KMT2C: variants seen among roughly 807,000 people sequenced by gnomAD.
KMT2C encodes the protein histone-lysine N-methyltransferase 2C.
KMT2C carries 88 observed loss-of-function variants against 507.9 expected under a neutral mutation model. The ratio of observed to expected loss-of-function variants is 0.17; its 90% CI spans 0.15 to 0.21. The LOEUF (loss-of-function observed/expected upper bound fraction) is 0.21. Ranked by LOEUF, KMT2C falls within the 10% of genes least tolerant of loss-of-function variation. The pLI is 1.00. For missense variants in KMT2C, 4,954 were observed against 5,957.8 expected, an observed-to-expected ratio of 0.83 and a Z score of 5.55; for synonymous variants, 2,049 against 2,080.8, an observed-to-expected ratio of 0.98 and a Z score of 0.42.
chr7:152,172,674 A>G (rs1216566145), intron 39 of KMT2C, among the ~76,000 whole-genome samples: 1 of 152,218 alleles, frequency 6.6e-6, no homozygotes, highest in Admixed American at 6.5e-5. Flanking sequence ...AACAACAGCG[A>G]AACTCCGTCT....
chr7:152,391,770 C>T (rs2097501054), intron 1 of KMT2C, among the ~76,000 whole-genome samples: 1 of 152,128 alleles, frequency 6.6e-6, no homozygotes, highest in Admixed American at 6.5e-5. Flanking sequence ...CTCAGCCTCC[C>T]AAAGTGCTGG....
chr7:152,367,767 G>A, intron 1 of KMT2C: 2 of 1,021,918 alleles, frequency 2.0e-6, no homozygotes, highest in Non-Finnish European at 3.1e-6. Context: ...TAAATCTGAG[G>A]ACTACCTAAA....
At chr7:152,368,203 C>T (rs1366632533) in intron 1 of KMT2C, 2 of 893,544 alleles carry the variant, frequency 2.2e-6, no homozygotes, top group Admixed American at 1.7e-5. Flanking sequence ...TTTTACAATT[C>T]TAAGAAATAT....
At chr7:152,157,731 G>T in intron 44 of KMT2C, 1 of 1,165,552 alleles carries the variant, frequency 8.6e-7, no homozygotes, top group Admixed American at 4.1e-5. Flanking sequence ...CAAAGATGAA[G>T]CAAGACAACA....
At chr7:152,178,610 C>T (rs1007663132) in intron 37 of KMT2C, among the ~76,000 whole-genome samples, 15 of 151,888 alleles carry the variant, frequency 9.9e-5, no homozygotes, top group Admixed American at 6.6e-4. Context: ...AGGCAACTTA[C>T]ACAGAATACA....
At chr7:152,231,933 G>A (rs1281190397) in intron 16 of KMT2C, among the ~76,000 whole-genome samples, 1 of 151,962 alleles carries the variant, frequency 6.6e-6, no homozygotes, top group Non-Finnish European at 1.5e-5. Flanking sequence ...AGGCTGGAGT[G>A]CAGTGGTGCA....
In KMT2C at chr7:152,317,170, T is replaced by C. The variant is rs563675527; in HGVS notation, c.390-1832A>G. 2.6e-5 allele frequency among the ~76,000 whole-genome samples: 4 copies of C among 152,304 alleles called. No individual in the cohort carries two copies. In the South Asian group the frequency reaches 6.2e-4, roughly 24 times the overall value. ...CTTAAATGTGAAGGTATAATAAAAT[T>C]ACTCTCTGGCTTAGAAGACCTCAGA... is the stretch of plus-strand genomic sequence containing the variant. On this transcript the variant is annotated intron_variant, in intron 3 of 58. Transcript: ENST00000262189.
chr7:152,302,397 T>A (rs2096577579), intron 6 of KMT2C, among the ~76,000 whole-genome samples: 1 of 151,778 alleles, frequency 6.6e-6, no homozygotes. Context: ...CTAATTTTTG[T>A]ATTTTTAGTA....
chr7:152,345,818 G>T (rs1218299860), intron 2 of KMT2C, among the ~76,000 whole-genome samples: 1 of 152,140 alleles, frequency 6.6e-6, no homozygotes, highest in Admixed American at 6.5e-5. Context: ...ACCGCACATG[G>T]CCTAGAATAG....
intron 14 of KMT2C, among the ~76,000 whole-genome samples, chr7:152,247,321 T>C (rs1481935514): frequency 2.0e-5 from 3 of 152,156 alleles, no homozygotes; most frequent in Non-Finnish European, 4.4e-5. Context: ...GATTTATCTT[T>C]ACTTACTGAA....
intron 27 of KMT2C, among the ~76,000 whole-genome samples, chr7:152,198,917 T>TTCGGTTTC (rs540555985): frequency 3.7e-3 from 564 of 152,212 alleles, no homozygotes; most frequent in South Asian, 7.3e-3. Context: ...CCACATCCAT[T>TTCGGTTTC]TCGGTTTCTC....
chr7:152,149,171 C>T lies in KMT2C; in HGVS notation c.12775-19G>A. 6.9e-7 allele frequency: 1 copy of T among 1,443,156 alleles called. No homozygotes were observed. The highest frequency in any genetic ancestry group is 2.4e-5 in the East Asian group (1 of 40,922). 89.4% of individuals were successfully genotyped at this position (1,443,156 alleles called of 1,614,324 possible). On this transcript the variant is annotated intron_variant, in intron 51 of 58. Coordinates refer to ENST00000262189, the MANE Select transcript of KMT2C (RefSeq NM_170606.3). ...TGGATTCCTGGGCAACATAAAGAAA[C>T]CATGACAAAGAAAAATAATTCACAA...
At position 152,163,551 on chromosome 7, in the gene KMT2C, G is replaced by A. The variant is rs906685403; in HGVS notation, c.10026C>T (p.Ala3342=). Residue 3342 remains alanine, a synonymous_variant, in exon 43 of 59, where the codon GCC becomes GCT. Coordinates refer to ENST00000262189, the MANE Select transcript of KMT2C (RefSeq NM_170606.3). ...TTCTAGGAGGATTGAGGGGCAGGTG[G>A]GCAGGAGCACTGTTGGGTTGCCATC... The part of the protein sequence containing the change: ...LPGWQPNSAP[A]HLPLNPPRIQ... 1 of 1,609,846 alleles carries A rather than the reference G, an allele frequency of 6.2e-7. No homozygotes were observed. Among genetic ancestry groups the A allele is most frequent in the Non-Finnish European group, 8.5e-7 (1 of 1,177,290 alleles).
intron 1 of KMT2C, chr7:152,367,045 G>T: frequency 1.6e-6 from 1 of 642,562 alleles, no homozygotes; most frequent in Non-Finnish European, 2.7e-6. Context: ...GAATCCACAG[G>T]TCTTTCTTGA....
In KMT2C at chr7:152,135,276, C is replaced by G. The variant is rs1212364482; in HGVS notation, c.*1556G>C. ...CAGTTTACAGTCCACTTGAATTGTG[C>G]ACACAAAACTTCATTTTATACTTAG... On this transcript the variant is annotated 3_prime_UTR_variant, in exon 59 of 59. Transcript: ENST00000262189. The G allele has an allele frequency of 9.1e-6, 2 of 219,960 alleles. No homozygotes were observed. Among genetic ancestry groups the G allele is most frequent in the African/African-American group, 2.2e-5 (1 of 44,658 alleles). The allele number at this position is 219,960 out of a possible 1,614,324, so 13.6% of individuals were successfully genotyped here. A position where few individuals can be genotyped will look rare whatever the true frequency, so the allele number is the denominator to read the frequency against.
At chr7:152,153,941 A>T in intron 48 of KMT2C, 69 bp downstream of exon 48, 1 of 1,465,928 alleles carries the variant, frequency 6.8e-7, no homozygotes, top group Non-Finnish European at 9.5e-7. Flanking sequence ...GTTTTATGGT[A>T]GACACCTGAC....
At chr7:152,249,486 G>C (rs2095527981) in intron 13 of KMT2C, among the ~76,000 whole-genome samples, 1 of 151,416 alleles carries the variant, frequency 6.6e-6, no homozygotes, top group Admixed American at 6.6e-5. Context: ...ACCATCCCCA[G>C]ATACTTTTTT....
At chr7:152,139,600 A>G (rs2090289507) in intron 56 of KMT2C, 75 bp downstream of exon 56, 3 of 983,114 alleles carry the variant, frequency 3.1e-6, no homozygotes, top group African/African-American at 1.6e-5. Context: ...TCTGCCTTCC[A>G]GGGTGTCTGG....
chr7:152,236,880 A>C (rs1223023014), intron 15 of KMT2C, among the ~76,000 whole-genome samples: 2 of 152,214 alleles, frequency 1.3e-5, no homozygotes, highest in African/African-American at 4.8e-5. Flanking sequence ...TGAGGATTAT[A>C]GGAAAGCTGA....
Sources: allele counts gnomAD v4.1 joint callset (sites outside exome capture counted in the v4.1 genomes callset), GRCh38; gene constraint gnomAD v4.1.1; transcripts MANE v1.5; gene names NCBI Gene and HGNC (gene_info 2026-07-23, HGNC 2026-07-21).